CSMD1: variants seen among roughly 807,000 people sequenced by gnomAD.
CSMD1 encodes CUB and sushi domain-containing protein 1.
A neutral mutation model predicts 417.5 loss-of-function variants in CSMD1; 213 were observed. The ratio of observed to expected loss-of-function variants is 0.51; its 90% CI spans 0.46 to 0.57. The LOEUF (loss-of-function observed/expected upper bound fraction) is 0.57, where lower values mean the gene tolerates loss of function less well. Ranked by LOEUF, CSMD1 falls within the 20% of genes least tolerant of loss-of-function variation. The pLI, the probability that CSMD1 is intolerant of heterozygous loss-of-function variation, is 0.00. For synonymous variants in CSMD1, 2,862 were observed against 1,736.8 expected, an observed-to-expected ratio of 1.65 and a Z score of -16.11; for missense variants, 6,923 against 4,529.7, an observed-to-expected ratio of 1.53 and a Z score of -15.17.
chr8:3,183,625 A>G (rs1030354462), intron 36 of CSMD1, among the ~76,000 whole-genome samples: 17 of 146,040 alleles, frequency 1.2e-4, no homozygotes, highest in Middle Eastern at 4.3e-3. Context: ...TTTCTTAACG[A>G]TACCATCGGC....
At position 4,433,918 on chromosome 8, in the gene CSMD1, G is replaced by A. The variant is rs140148441; in HGVS notation, c.303-13853C>T. ...CTACAAAAGTCAGGATAAGAACACA[G>A]CAAAAAAGGGGGAAACTTGTAGAAT... On this transcript the variant is annotated intron_variant, in intron 2 of 69. Coordinates refer to ENST00000635120, the MANE Select transcript of CSMD1 (RefSeq NM_033225.6). Among the ~76,000 whole-genome samples, 195 of 152,104 alleles carry A rather than the reference G, an allele frequency of 1.3e-3. 3 individuals carry two copies. The East Asian group carries it at 0.031, about 24-fold the overall frequency.
intron 3 of CSMD1, among the ~76,000 whole-genome samples, chr8:4,367,944 C>G (rs986088755): frequency 6.6e-6 from 1 of 152,088 alleles, no homozygotes; most frequent in African/African-American, 2.4e-5. Context: ...GTTCTAGAAG[C>G]CTTCTGGCAG....
chr8:4,684,001 G>A (rs976274015), intron 1 of CSMD1, among the ~76,000 whole-genome samples: 3 of 152,170 alleles, frequency 2.0e-5, no homozygotes, highest in African/African-American at 4.8e-5. Flanking sequence ...CACTGACTGA[G>A]TATTGCTCAA....
chr8:3,214,963 TA>T (rs1797802681), intron 29 of CSMD1, among the ~76,000 whole-genome samples: 1 of 152,200 alleles, frequency 6.6e-6, no homozygotes, highest in South Asian at 2.1e-4. Flanking sequence ...TTCATCTACA[TA>T]AAAAATACAG....
At chr8:3,421,209 G>C (rs1387004667) in intron 12 of CSMD1, among the ~76,000 whole-genome samples, 5 of 152,154 alleles carry the variant, frequency 3.3e-5, no homozygotes, top group Admixed American at 6.5e-5. Flanking sequence ...CAAGTCTGGA[G>C]GAAAATGCAG....
intron 3 of CSMD1, among the ~76,000 whole-genome samples, chr8:4,362,187 C>G (rs890913132): frequency 5.9e-5 from 9 of 152,002 alleles, no homozygotes; most frequent in Non-Finnish European, 1.2e-4. Context: ...AGAAAAAGTC[C>G]ATTACATCTG....
chr8:3,860,559 G>C (rs927715948), intron 5 of CSMD1, among the ~76,000 whole-genome samples: 6 of 152,068 alleles, frequency 3.9e-5, no homozygotes, highest in Non-Finnish European at 8.8e-5. Flanking sequence ...AATGATATCA[G>C]AAAATACGCA....
intron 1 of CSMD1, among the ~76,000 whole-genome samples, chr8:4,762,665 G>A (rs189179007): frequency 3.0e-4 from 45 of 152,162 alleles, no homozygotes; most frequent in South Asian, 6.2e-4. Flanking sequence ...GTAGCTGTGT[G>A]GTTCTCTATC....
At chr8:3,232,958 T>A (rs1585732807) in intron 26 of CSMD1, among the ~76,000 whole-genome samples, 1 of 152,318 alleles carries the variant, frequency 6.6e-6, no homozygotes, top group African/African-American at 2.4e-5. Context: ...AAATCTTAAA[T>A]TAGACATTGT....
chr8:3,182,889 T>TGTGC, intron 36 of CSMD1: 1 of 143,164 alleles, frequency 7.0e-6, no homozygotes, highest in East Asian at 2.1e-4. Context: ...TGTGTGTGTG[T>TGTGC]GTGTGTGTAT....
chr8:3,948,639 T>C (rs920187851), intron 5 of CSMD1, among the ~76,000 whole-genome samples: 3 of 152,198 alleles, frequency 2.0e-5, no homozygotes, highest in African/African-American at 7.2e-5. Flanking sequence ...TTCCATTATC[T>C]AAAAGTACAA....
intron 5 of CSMD1, among the ~76,000 whole-genome samples, chr8:3,886,223 T>C (rs1806553135): frequency 6.6e-6 from 1 of 151,938 alleles, no homozygotes; most frequent in African/African-American, 2.4e-5. Context: ...CTAATTTCTG[T>C]ATTTTAGTAG....
intron 12 of CSMD1, among the ~76,000 whole-genome samples, chr8:3,456,939 C>A (rs1216236690): frequency 6.6e-6 from 1 of 152,072 alleles, no homozygotes; most frequent in Non-Finnish European, 1.5e-5. Flanking sequence ...TCCTGCTGCA[C>A]TGTCTCACCC....
intron 5 of CSMD1, among the ~76,000 whole-genome samples, chr8:3,951,222 C>T (rs1235086259): frequency 6.6e-6 from 1 of 152,290 alleles, no homozygotes; most frequent in East Asian, 1.9e-4. Flanking sequence ...GTGGGGACTG[C>T]ACAGGCGGGC....
chr8:4,674,589 G>C lies in CSMD1; in HGVS notation c.86-37031C>G, dbSNP rs189522432. On this transcript the variant is annotated intron_variant, in intron 1 of 69. Transcript: ENST00000635120. ...TGTACCACTAACCGTTCTGGTACTT[G>C]AAGCTTTGGTGCAAATCAGGAACAC... Among the ~76,000 whole-genome samples, 174 of 152,284 alleles carry C rather than the reference G, an allele frequency of 1.1e-3. 1 individual carries two copies. Among genetic ancestry groups the C allele is most frequent in the African/African-American group, 4.0e-3 (165 of 41,560 alleles).
chr8:3,992,161 T>C (rs1035582084), intron 5 of CSMD1, among the ~76,000 whole-genome samples: 12 of 151,150 alleles, frequency 7.9e-5, no homozygotes, highest in Middle Eastern at 3.5e-3. Flanking sequence ...TTATATATAT[T>C]TTTATTGTTA....
intron 1 of CSMD1, among the ~76,000 whole-genome samples, chr8:4,975,862 G>C (rs964767876): frequency 3.3e-5 from 5 of 152,116 alleles, no homozygotes; most frequent in African/African-American, 1.2e-4. Context: ...ATGAAACTCA[G>C]CACTCTAAGA....
chr8:3,553,829 T>G (rs1799023884), intron 10 of CSMD1, among the ~76,000 whole-genome samples: 1 of 152,222 alleles, frequency 6.6e-6, no homozygotes, highest in Non-Finnish European at 1.5e-5. Context: ...AATATTTGTA[T>G]CACTCTTGAA....
intron 1 of CSMD1, among the ~76,000 whole-genome samples, chr8:4,936,906 T>C (rs1807656526): frequency 6.6e-6 from 1 of 152,270 alleles, no homozygotes; most frequent in South Asian, 2.1e-4. Flanking sequence ...TTGTGTTTTA[T>C]TTTCTTTAAA....
Sources: gnomAD v4.1 joint callset for allele counts (sites outside exome capture counted in the v4.1 genomes callset) on GRCh38, gnomAD v4.1.1 for gene constraint, MANE v1.5 for transcripts, NCBI Gene and HGNC (gene_info 2026-07-23, HGNC 2026-07-21) for gene names.